Variants in SND1 observed in about 807,000 individuals in gnomAD.
SND1 encodes the protein staphylococcal nuclease domain-containing protein 1.
In SND1, 38 loss-of-function variants were observed where a neutral mutation model predicts 121.7. That is an observed-to-expected ratio of 0.31 (90% CI 0.24 to 0.41). The LOEUF is 0.41. Among genes scored for constraint, SND1 ranks in the 10% least tolerant of loss-of-function variants. The pLI, the probability that SND1 is intolerant of heterozygous loss-of-function variation, is 1.00. For missense variants in SND1, 868 were observed against 1,184.6 expected (o/e 0.73, Z 3.92); for synonymous variants, 401 against 447.4 (o/e 0.90, Z 1.31).
At chr7:127,909,205 G>A (rs1563054999) in intron 14 of SND1, among the ~76,000 whole-genome samples, 2 of 152,064 alleles carry the variant, frequency 1.3e-5, no homozygotes, top group African/African-American at 2.4e-5. Flanking sequence ...CCCAGAATAG[G>A]GATTGTCTTC....
chr7:127,886,538 G>C (rs1358306127), intron 12 of SND1, among the ~76,000 whole-genome samples: 1 of 152,092 alleles, frequency 6.6e-6, no homozygotes, highest in Non-Finnish European at 1.5e-5. Flanking sequence ...AAACCAGATG[G>C]TTTGAGTAGG....
chr7:127,735,508 T>G (rs953889709), intron 10 of SND1, among the ~76,000 whole-genome samples: 8 of 152,038 alleles, frequency 5.3e-5, no homozygotes, highest in African/African-American at 1.9e-4. Context: ...AGGCTAGGAG[T>G]TCCAGGCCAG....
intron 12 of SND1, among the ~76,000 whole-genome samples, chr7:127,881,850 T>G (rs1799798100): frequency 6.6e-6 from 1 of 152,172 alleles, no homozygotes; most frequent in Non-Finnish European, 1.5e-5. Context: ...CATGGCTCAC[T>G]GTAGCCTTGA....
chr7:127,896,566 C>G (rs1800124200), intron 13 of SND1, among the ~76,000 whole-genome samples: 1 of 152,136 alleles, frequency 6.6e-6, no homozygotes, highest in African/African-American at 2.4e-5. Context: ...TAATCAGTTC[C>G]TGATCATTGT....
intron 14 of SND1, among the ~76,000 whole-genome samples, chr7:127,926,764 T>TGTTGTTGTAGTA (rs1554443880): frequency 1.3e-4 from 20 of 150,220 alleles, no homozygotes; most frequent in African/African-American, 4.2e-4. Context: ...TTGTTGTTGT[T>TGTTGTTGTAGTA]GTACTTTTAG....
At chr7:127,710,507 C>CAAGT (rs1446324966) in intron 9 of SND1, among the ~76,000 whole-genome samples, 1 of 150,704 alleles carries the variant, frequency 6.6e-6, no homozygotes, top group African/African-American at 2.4e-5. Context: ...TGTTCTAGTA[C>CAAGT]AAGTTCCTTA....
At chr7:127,699,348 A>G (rs1796063181) in intron 4 of SND1, among the ~76,000 whole-genome samples, 1 of 152,184 alleles carries the variant, frequency 6.6e-6, no homozygotes, top group Non-Finnish European at 1.5e-5. Context: ...CTGACGTTTT[A>G]ATGGGGAGAC....
intron 2 of SND1, 194 bp downstream of exon 2, chr7:127,686,956 G>A (rs1795824227): frequency 3.6e-6 from 2 of 553,676 alleles, no homozygotes; most frequent in Non-Finnish European, 6.1e-6. Context: ...AGTGGCAGTT[G>A]AAGTCTTAGA....
rs186087551 is a variant in SND1 at position 127,941,900 on chromosome 7, T to G, written c.1669+12571T>G. On this transcript the variant is annotated intron_variant, in intron 15 of 23. Coordinates refer to ENST00000354725, the MANE Select transcript of SND1 (RefSeq NM_014390.4). ...TTGTTTGATAGGGAGTTTTTTTTTT[T>G]TTTTTTTTTTTTAAATTTTCCAAGT... 1.9e-3 allele frequency among the ~76,000 whole-genome samples: 282 copies of G among 145,446 alleles called. 2 individuals carry two copies. Among genetic ancestry groups the G allele is most frequent in the African/African-American group, 6.5e-3 (252 of 38,536 alleles).
intron 15 of SND1, among the ~76,000 whole-genome samples, chr7:127,946,555 AACTG>A (rs1242619284): frequency 6.6e-6 from 1 of 152,242 alleles, no homozygotes; most frequent in Non-Finnish European, 1.5e-5. Context: ...GAAAGGGTTA[AACTG>A]ACTACCTTGA....
At chr7:128,070,243 T>C (rs1280189882) in intron 16 of SND1, among the ~76,000 whole-genome samples, 1 of 152,170 alleles carries the variant, frequency 6.6e-6, no homozygotes, top group Non-Finnish European at 1.5e-5. Flanking sequence ...CCCAGAACCA[T>C]GTGTCTTCCT....
intron 12 of SND1, among the ~76,000 whole-genome samples, chr7:127,853,830 A>G (rs564875598): frequency 1.4e-4 from 21 of 152,324 alleles, no homozygotes; most frequent in African/African-American, 4.8e-4. Flanking sequence ...TTTTGCTCCT[A>G]GCTACTCTGT....
intron 12 of SND1, among the ~76,000 whole-genome samples, chr7:127,851,893 A>G (rs1357412849): frequency 6.6e-6 from 1 of 152,262 alleles, no homozygotes; most frequent in East Asian, 1.9e-4. Flanking sequence ...ACGGTGGCTC[A>G]CGCCTATAAT....
intron 10 of SND1, among the ~76,000 whole-genome samples, chr7:127,775,117 G>C (rs368807010): frequency 7.2e-5 from 11 of 152,210 alleles, no homozygotes; most frequent in African/African-American, 2.4e-4. Context: ...AATGGAGGAT[G>C]ATCCAACTGT....
chr7:127,857,664 G>A (rs1181705995), intron 12 of SND1, among the ~76,000 whole-genome samples: 1 of 152,012 alleles, frequency 6.6e-6, no homozygotes, highest in African/African-American at 2.4e-5. Flanking sequence ...GTCCAAAGGG[G>A]CTGTGGAGAG....
At chr7:127,756,737 AC>A (rs1434996070) in intron 10 of SND1, among the ~76,000 whole-genome samples, 2 of 152,244 alleles carry the variant, frequency 1.3e-5, no homozygotes, top group Admixed American at 1.3e-4. Flanking sequence ...AATTAGATGT[AC>A]AGCTTCTTCA....
chr7:128,084,640 C>T (rs1384176244), intron 18 of SND1, 84 bp from the exon 19 acceptor site: 75 of 1,449,926 alleles, frequency 5.2e-5, no homozygotes, highest in Non-Finnish European at 9.2e-7. Context: ...ATTGAGCTCC[C>T]TCCCCAACCA....
intron 15 of SND1, among the ~76,000 whole-genome samples, chr7:127,972,276 T>C (rs1397931037): frequency 3.9e-5 from 6 of 152,182 alleles, no homozygotes; most frequent in African/African-American, 1.4e-4. Flanking sequence ...TTGTTTTGTT[T>C]TGTTGAGACA....
At chr7:128,046,038 T>C (rs1792939920) in intron 16 of SND1, among the ~76,000 whole-genome samples, 1 of 152,202 alleles carries the variant, frequency 6.6e-6, no homozygotes, top group African/African-American at 2.4e-5. Context: ...GGAACTCTTT[T>C]CCTCCACCCC....
Sources: gnomAD v4.1 joint callset for allele counts (sites outside exome capture counted in the v4.1 genomes callset) on GRCh38, gnomAD v4.1.1 for gene constraint, MANE v1.5 for transcripts, NCBI Gene and HGNC (gene_info 2026-07-23, HGNC 2026-07-21) for gene names.